The following TNKS variants were observed in gnomAD, a reference collection of about 807,000 sequenced individuals.
TNKS encodes the protein tankyrase.
TNKS carries 72 observed loss-of-function variants against 135.8 expected under a neutral mutation model. That is an observed-to-expected ratio of 0.53 (90% CI 0.44 to 0.64). The LOEUF is 0.64. Among genes scored for constraint, TNKS ranks in the 30% least tolerant of loss-of-function variants. The pLI, the probability that TNKS is intolerant of heterozygous loss-of-function variation, is 0.00. For missense variants in TNKS, 1,769 were observed against 1,674.0 expected (o/e 1.06, Z -0.99); for synonymous variants, 849 against 649.3 (o/e 1.31, Z -4.68).
intron 20 of TNKS, among the ~76,000 whole-genome samples, chr8:9,756,920 C>G (rs1273666479): frequency 6.6e-6 from 1 of 152,026 alleles, no homozygotes; most frequent in East Asian, 1.9e-4. Flanking sequence ...TCATATTACT[C>G]TGCTGAAAAG....
chr8:9,750,351 T>G (rs1032010220), intron 18 of TNKS, among the ~76,000 whole-genome samples: 2 of 152,210 alleles, frequency 1.3e-5, no homozygotes, highest in African/African-American at 4.8e-5. Flanking sequence ...ATACATTTCC[T>G]TAAAGAGAAC....
At position 9,713,804 on chromosome 8, in the gene TNKS, C is replaced by G. The variant is rs1467860361; in HGVS notation, c.1749+3584C>G. 4.6e-5 allele frequency among the ~76,000 whole-genome samples: 7 copies of G among 152,192 alleles called. No individual in the cohort carries two copies. The South Asian group carries it at 1.2e-3, about 27-fold the overall frequency. Reference sequence around the variant, plus strand: ...CTGGTGATTAATGTGTTGTAAAAAACTCCCTGTAAGAAACTCACTTAGCTA... The same window carrying G: ...CTGGTGATTAATGTGTTGTAAAAAAGTCCCTGTAAGAAACTCACTTAGCTA... On this transcript the variant is annotated intron_variant, in intron 11 of 26. Coordinates refer to ENST00000310430, the MANE Select transcript of TNKS (RefSeq NM_003747.3).
intron 3 of TNKS, among the ~76,000 whole-genome samples, chr8:9,647,588 T>G (rs1044208924): frequency 7.2e-5 from 11 of 152,204 alleles, no homozygotes; most frequent in Non-Finnish European, 1.5e-4. Context: ...GCTTTAGTAA[T>G]TTCTGCAGAG....
intron 4 of TNKS, 116 bp from the exon 5 acceptor site, chr8:9,680,609 C>A: frequency 1.5e-6 from 1 of 657,564 alleles, no homozygotes; most frequent in Non-Finnish European, 2.7e-6. Context: ...TTATTGTGAT[C>A]CATGTAAAAG....
intron 12 of TNKS, among the ~76,000 whole-genome samples, chr8:9,723,817 C>T (rs6983608): frequency 0.7 from 106,581 of 152,048 alleles, 37,899 homozygotes; most frequent in Admixed American, 0.8. Flanking sequence ...GTTCTTTTGG[C>T]CATTTCTTTT....
intron 1 of TNKS, among the ~76,000 whole-genome samples, chr8:9,567,540 C>G (rs575595054): frequency 2.6e-5 from 4 of 152,144 alleles, no homozygotes; most frequent in Non-Finnish European, 5.9e-5. Flanking sequence ...CTCAGCCTCC[C>G]GAGTAGCTGG....
chr8:9,638,950 TAA>T (rs926528376), intron 3 of TNKS, among the ~76,000 whole-genome samples: 9 of 152,226 alleles, frequency 5.9e-5, no homozygotes, highest in African/African-American at 2.2e-4. Context: ...ATACCTTAAT[TAA>T]AAAGCGATGG....
chr8:9,670,506 T>G (rs922042808), intron 3 of TNKS, among the ~76,000 whole-genome samples: 5 of 152,218 alleles, frequency 3.3e-5, no homozygotes, highest in African/African-American at 1.2e-4. Context: ...TCTTCTTATT[T>G]TAAATACCTA....
rs373152988 is a variant in TNKS, at chr8:9,628,637, A to T, written c.994+12960A>T. On this transcript the variant is annotated intron_variant, in intron 3 of 26. Coordinates refer to ENST00000310430, the MANE Select transcript of TNKS (RefSeq NM_003747.3). ...CTAGGATTTTTACTCCTCCCCATCTAACTTTGGGGTGATTTCATCGAGTCC... is the reference window on the plus strand; with the variant it reads ...CTAGGATTTTTACTCCTCCCCATCTTACTTTGGGGTGATTTCATCGAGTCC... 1.1e-3 allele frequency among the ~76,000 whole-genome samples: 168 copies of T among 151,948 alleles called. 1 individual carries two copies. The highest frequency in any genetic ancestry group is 3.8e-3 in the African/African-American group (156 of 41,432).
intron 5 of TNKS, among the ~76,000 whole-genome samples, chr8:9,690,748 T>A (rs1027938395): frequency 2.0e-5 from 3 of 152,236 alleles, no homozygotes; most frequent in African/African-American, 7.2e-5. Flanking sequence ...CAACTTGAAT[T>A]ACAGAAACCT....
At chr8:9,660,920 A>G (rs564916044) in intron 3 of TNKS, among the ~76,000 whole-genome samples, 34 of 150,768 alleles carry the variant, frequency 2.3e-4, no homozygotes, top group Non-Finnish European at 4.7e-4. Context: ...TGCAAAAATC[A>G]CAGGCATTCT....
At chr8:9,705,245 C>T (rs1384002142) in intron 6 of TNKS, among the ~76,000 whole-genome samples, 2 of 152,036 alleles carry the variant, frequency 1.3e-5, no homozygotes, top group Non-Finnish European at 2.9e-5. Flanking sequence ...ACTAAAAAAG[C>T]AGTTATGTCA....
At chr8:9,563,215 C>G (rs1021290469) in intron 1 of TNKS, among the ~76,000 whole-genome samples, 5 of 152,066 alleles carry the variant, frequency 3.3e-5, no homozygotes, top group Non-Finnish European at 7.4e-5. Flanking sequence ...GCTCTTGTAC[C>G]CATTAAACTA....
At chr8:9,686,035 C>A (rs1023928126) in intron 5 of TNKS, among the ~76,000 whole-genome samples, 9 of 152,094 alleles carry the variant, frequency 5.9e-5, no homozygotes, top group African/African-American at 2.2e-4. Context: ...CTCAATAAAC[C>A]GTCCCTTTTA....
intron 2 of TNKS, among the ~76,000 whole-genome samples, chr8:9,593,118 G>A (rs1401909848): frequency 2.0e-5 from 3 of 152,138 alleles, no homozygotes; most frequent in African/African-American, 7.2e-5. Context: ...GTTGAGGTAG[G>A]GAGGGATAAG....
rs1009050172 is a variant in TNKS, at chr8:9,679,978, A to G, written c.1022A>G (p.Glu341Gly). 8 of 1,612,006 alleles carry G rather than the reference A, an allele frequency of 5.0e-6. No homozygotes were observed. The highest frequency in any genetic ancestry group is 6.8e-6 in the Non-Finnish European group (8 of 1,178,196). Residue 341 changes from glutamate to glycine, a missense_variant, in exon 4 of 27, where the codon GAA (glutamate) becomes GGA (glycine). Transcript: ENST00000310430. Reference sequence around the variant, plus strand: ...GAATACAAGAAAGACGAACTCCTAGAAGCTGCTAGGTAAGTGATTCCATTC... The same window carrying G: ...GAATACAAGAAAGACGAACTCCTAGGAGCTGCTAGGTAAGTGATTCCATTC... Reference protein sequence around the residue: ...TGEYKKDELLEAARSGNEEKL... With the variant: ...TGEYKKDELLGAARSGNEEKL...
intron 6 of TNKS, 97 bp downstream of exon 6, chr8:9,704,854 C>T (rs1285300517): frequency 3.1e-5 from 27 of 857,264 alleles, no homozygotes; most frequent in South Asian, 1.2e-4. Flanking sequence ...CCATTTGTTA[C>T]GGCTTACATA....
rs780531958 is a variant in TNKS, at chr8:9,704,767, T to A, written c.1202+10T>A. 6.2e-7 allele frequency: 1 copy of A among 1,604,476 alleles called. No individual in the cohort carries two copies. Among genetic ancestry groups the A allele is most frequent in the East Asian group, 2.2e-5 (1 of 44,780 alleles). ...ATGCAAAAGACAAAGGGTAGGTCTA[T>A]CAGTTTACTTCCTGTCAGTGCTTTG... On this transcript the variant is annotated intron_variant, in intron 6 of 26. Coordinates refer to ENST00000310430, the MANE Select transcript of TNKS (RefSeq NM_003747.3).
chr8:9,764,366 T>C (rs958617054), intron 22 of TNKS, among the ~76,000 whole-genome samples: 6 of 152,148 alleles, frequency 3.9e-5, no homozygotes, highest in Non-Finnish European at 1.5e-5. Flanking sequence ...TTTTTAGCAT[T>C]TGTCCAACGG....
Sources: gnomAD v4.1 joint callset for allele counts (sites outside exome capture counted in the v4.1 genomes callset) on GRCh38, gnomAD v4.1.1 for gene constraint, MANE v1.5 for transcripts, NCBI Gene and HGNC (gene_info 2026-07-23, HGNC 2026-07-21) for gene names.